LRBA: variants seen among roughly 807,000 people sequenced by gnomAD.
The protein encoded by LRBA is LPS responsive beige-like anchor protein.
In LRBA, 176 loss-of-function variants were observed where a neutral mutation model predicts 330.0. The ratio of observed to expected loss-of-function variants is 0.53; its 90% confidence interval spans 0.47 to 0.60. The LOEUF is 0.60. LRBA is among the 20% of genes least tolerant of loss of function. LRBA has a pLI of 0.00. For missense variants in LRBA, 3,259 were observed against 3,444.8 expected, an observed-to-expected ratio of 0.95 and a Z score of 1.35; for synonymous variants, 1,230 against 1,193.0, an observed-to-expected ratio of 1.03 and a Z score of -0.64.
chr4:150,589,040 T>TACACACACACAC (rs10637563), intron 39 of LRBA, among the ~76,000 whole-genome samples: 303 of 146,834 alleles, frequency 2.1e-3, no homozygotes, highest in African/African-American at 6.8e-3. Context: ...TGTGTGTGTA[T>TACACACACACAC]ACACACACAC....
chr4:150,395,917 T>C (rs1459819102), intron 47 of LRBA, among the ~76,000 whole-genome samples: 1 of 152,216 alleles, frequency 6.6e-6, no homozygotes, highest in Non-Finnish European at 1.5e-5. Context: ...CTACTGGTAA[T>C]TGATTCTCTA....
chr4:150,591,068 C>T (rs1772767497), intron 38 of LRBA, among the ~76,000 whole-genome samples: 1 of 152,158 alleles, frequency 6.6e-6, no homozygotes, highest in African/African-American at 2.4e-5. Context: ...CCTAAACAAG[C>T]ACCCTAATCC....
intron 36 of LRBA, among the ~76,000 whole-genome samples, chr4:150,729,174 C>G (rs575546665): frequency 6.6e-6 from 1 of 151,974 alleles, no homozygotes; most frequent in Admixed American, 6.6e-5. Flanking sequence ...AAAAATTAGC[C>G]GGACATAGTG....
At chr4:150,307,821 C>T (rs1730558947) in intron 52 of LRBA, among the ~76,000 whole-genome samples, 1 of 152,112 alleles carries the variant, frequency 6.6e-6, no homozygotes, top group African/African-American at 2.4e-5. Context: ...TAATCCACCC[C>T]ATAGACTTAA....
chr4:150,331,469 G>T (rs1044227846), intron 48 of LRBA, among the ~76,000 whole-genome samples: 12 of 152,078 alleles, frequency 7.9e-5, no homozygotes, highest in Admixed American at 7.2e-4. Context: ...TATGGAATAG[G>T]ATAATGAATC....
At chr4:150,887,017 G>T (rs552022962) in intron 17 of LRBA, among the ~76,000 whole-genome samples, 3 of 152,262 alleles carry the variant, frequency 2.0e-5, no homozygotes, top group Non-Finnish European at 4.4e-5. Context: ...AAATGTTTGA[G>T]GTGATGGAGA....
At chr4:150,395,042 G>C (rs967927128) in intron 47 of LRBA, among the ~76,000 whole-genome samples, 1 of 152,098 alleles carries the variant, frequency 6.6e-6, no homozygotes, top group Non-Finnish European at 1.5e-5. Flanking sequence ...GTTCATATAA[G>C]AGATAAGAAA....
intron 36 of LRBA, among the ~76,000 whole-genome samples, chr4:150,697,625 G>T (rs1488110010): frequency 6.6e-6 from 1 of 151,638 alleles, no homozygotes. Context: ...ATTCCTCAAA[G>T]GTTTATATAA....
rs376430388 is a variant in LRBA, at chr4:150,847,865, C to A, written c.4339+953G>T. Among the ~76,000 whole-genome samples the A allele has an allele frequency of 8.5e-5, 13 of 152,308 alleles. No individual in the cohort carries two copies. In the East Asian group the frequency reaches 1.9e-3, roughly 23 times the overall value. On this transcript the variant is annotated intron_variant, in intron 26 of 56. Transcript: ENST00000651943. ...AGAGATTTCATGATTTTATTAACTG[C>A]ATTAACAAATTACCACAGCTTTTTT...
At chr4:150,571,996 GTTTAAA>G (rs1218082748) in intron 40 of LRBA, among the ~76,000 whole-genome samples, 1 of 151,540 alleles carries the variant, frequency 6.6e-6, no homozygotes, top group Non-Finnish European at 1.5e-5. Flanking sequence ...ATAGAGATTG[GTTTAAA>G]TTTAAATTAT....
intron 2 of LRBA, among the ~76,000 whole-genome samples, chr4:150,930,191 T>G (rs535681017): frequency 6.6e-6 from 1 of 152,250 alleles, no homozygotes; most frequent in African/African-American, 2.4e-5. Flanking sequence ...GGCATGCGCC[T>G]GTAATCCCAG....
intron 2 of LRBA, among the ~76,000 whole-genome samples, chr4:150,964,778 T>C (rs1738695943): frequency 6.6e-6 from 1 of 152,058 alleles, no homozygotes; most frequent in African/African-American, 2.4e-5. Context: ...CCTATGACCC[T>C]GCCAAATCCC....
chr4:150,724,407 G>A (rs1170293077), intron 36 of LRBA, among the ~76,000 whole-genome samples: 1 of 152,096 alleles, frequency 6.6e-6, no homozygotes, highest in Non-Finnish European at 1.5e-5. Flanking sequence ...GCCTTATTGG[G>A]GTTGGGGTCC....
chr4:150,451,889 C>T (rs929772120), intron 44 of LRBA, among the ~76,000 whole-genome samples: 5 of 152,028 alleles, frequency 3.3e-5, no homozygotes, highest in Non-Finnish European at 4.4e-5. Context: ...AAAGATAACC[C>T]GAATAGCACT....
intron 47 of LRBA, among the ~76,000 whole-genome samples, chr4:150,355,772 T>C (rs2151830626): frequency 6.6e-6 from 1 of 152,254 alleles, no homozygotes; most frequent in South Asian, 2.1e-4. Flanking sequence ...TTTTGTAAAA[T>C]TTTAATTGTA....
At chr4:150,298,680 T>G (rs1228871132) in intron 53 of LRBA, among the ~76,000 whole-genome samples, 1 of 152,036 alleles carries the variant, frequency 6.6e-6, no homozygotes. Context: ...AAAAGTTAGG[T>G]TTTTTTCTCA....
chr4:150,882,421 A>G (rs945795660), intron 17 of LRBA, among the ~76,000 whole-genome samples: 1 of 152,232 alleles, frequency 6.6e-6, no homozygotes, highest in Non-Finnish European at 1.5e-5. Flanking sequence ...TAGTGCTTCA[A>G]TGAAATTTAT....
intron 35 of LRBA, among the ~76,000 whole-genome samples, chr4:150,757,136 A>G (rs1010090668): frequency 3.3e-5 from 5 of 152,192 alleles, no homozygotes; most frequent in African/African-American, 4.8e-5. Context: ...CTAGCTCTCT[A>G]AAATAAATTT....
At chr4:150,864,594 G>A (rs1752429311) in intron 22 of LRBA, among the ~76,000 whole-genome samples, 1 of 149,978 alleles carries the variant, frequency 6.7e-6, no homozygotes. Context: ...CTATGCAGTA[G>A]GAAAGGAGGA....
Sources: allele counts gnomAD v4.1 joint callset (sites outside exome capture counted in the v4.1 genomes callset), GRCh38; gene constraint gnomAD v4.1.1; transcripts MANE v1.5; gene names NCBI Gene and HGNC (gene_info 2026-07-23, HGNC 2026-07-21).